Variants in NELL2 observed in about 807,000 individuals in gnomAD.
NELL2 encodes the protein protein kinase C-binding protein NELL2.
A neutral mutation model predicts 109.6 loss-of-function variants in NELL2; 41 were observed. The observed-to-expected ratio is 0.37, with a 90% CI of 0.29 to 0.49. The LOEUF is 0.49. Ranked by LOEUF, NELL2 falls within the 20% of genes least tolerant of loss-of-function variation. NELL2 has a pLI of 0.98. For missense variants in NELL2, 900 were observed against 1,008.3 expected (o/e 0.89, Z 1.45); for synonymous variants, 355 against 344.7 (o/e 1.03, Z -0.33).
chr12:44,670,481 T>C (rs1446222583), intron 12 of NELL2, among the ~76,000 whole-genome samples: 1 of 151,512 alleles, frequency 6.6e-6, no homozygotes, highest in Non-Finnish European at 1.5e-5. Flanking sequence ...ATAAAAACCT[T>C]GAAAGTAAAT....
At chr12:44,568,094 G>A (rs986142721) in intron 15 of NELL2, among the ~76,000 whole-genome samples, 1 of 151,966 alleles carries the variant, frequency 6.6e-6, no homozygotes, top group South Asian at 2.1e-4. Flanking sequence ...TGATTAGCAA[G>A]CCTAAAATCA....
In NELL2 at chr12:44,807,334, C is replaced by T. The variant is rs894141394; in HGVS notation, c.335+8652G>A. 4.5e-4 allele frequency among the ~76,000 whole-genome samples: 61 copies of T among 134,670 alleles called. No individual in the cohort carries two copies. The East Asian group carries it at 0.01, about 22-fold the overall frequency. 88.3% of individuals were successfully genotyped at this position (134,670 alleles called of 152,430 possible). A position where few individuals can be genotyped will look rare whatever the true frequency, so the allele number is the denominator to read the frequency against. The stretch of plus-strand genomic sequence containing the variant: ...CATTTGATGGATTTTGCTCTTTACA[C>T]ACACACACACACACACACACACGCA... On this transcript the variant is annotated intron_variant, in intron 3 of 19. Coordinates refer to ENST00000429094, the MANE Select transcript of NELL2 (RefSeq NM_001145108.2).
At chr12:44,784,372 G>T (rs1481444133) in intron 3 of NELL2, among the ~76,000 whole-genome samples, 6 of 151,984 alleles carry the variant, frequency 3.9e-5, no homozygotes, top group African/African-American at 1.4e-4. Context: ...AAAAGAAAAA[G>T]AATACAGAAT....
chr12:44,819,498 G>A (rs1011781358), intron 2 of NELL2, among the ~76,000 whole-genome samples: 4 of 152,240 alleles, frequency 2.6e-5, no homozygotes, highest in African/African-American at 9.6e-5. Context: ...CAGGCATGTT[G>A]ATGAGGGAAG....
At chr12:44,681,398 A>AT (rs1289875714) in intron 12 of NELL2, among the ~76,000 whole-genome samples, 6 of 148,108 alleles carry the variant, frequency 4.1e-5, no homozygotes, top group Non-Finnish European at 6.0e-5. Context: ...ATTTATTTTT[A>AT]TTTATTTTAT....
intron 1 of NELL2, among the ~76,000 whole-genome samples, chr12:44,911,155 A>G (rs1328488316): frequency 3.3e-5 from 5 of 152,026 alleles, no homozygotes. Flanking sequence ...AACTGAAATT[A>G]TTAAATAAAT....
At chr12:44,560,409 A>T (rs1943424767) in intron 15 of NELL2, among the ~76,000 whole-genome samples, 1 of 152,176 alleles carries the variant, frequency 6.6e-6, no homozygotes, top group African/African-American at 2.4e-5. Flanking sequence ...TGAAAAGATA[A>T]ACAAAATAGA....
rs1475054858 is a variant in NELL2 at position 44,508,818 on chromosome 12, A to G, written c.*116T>C. 3 of 819,820 alleles carry G rather than the reference A, an allele frequency of 3.7e-6. No individual in the cohort carries two copies. The highest frequency in any genetic ancestry group is 1.7e-5 in the African/African-American group (1 of 57,964). 50.8% of individuals were successfully genotyped at this position (819,820 alleles called of 1,614,324 possible). On this transcript the variant is annotated 3_prime_UTR_variant, in exon 20 of 20. Coordinates refer to ENST00000429094, the MANE Select transcript of NELL2 (RefSeq NM_001145108.2). ...TTCATAATTGAAAGTTCACTCAGCT[A>G]TTAACAAAGCTGCATTTAGCTGCCC...
At chr12:44,574,741 A>C (rs185719403) in intron 15 of NELL2, among the ~76,000 whole-genome samples, 43 of 152,304 alleles carry the variant, frequency 2.8e-4, no homozygotes, top group Non-Finnish European at 4.7e-4. Context: ...GAGATTTGGC[A>C]CATATGTTAT....
chr12:44,532,683 T>C lies in NELL2; in HGVS notation c.1702A>G (p.Ser568Gly). 6.2e-7 allele frequency: 1 copy of C among 1,613,572 alleles called. No homozygotes were observed. The highest frequency in any genetic ancestry group is 8.5e-7 in the Non-Finnish European group (1 of 1,179,630). ...ECSDGFVQCD[S>G]RANCINLPGW... The stretch of plus-strand genomic sequence containing the variant: ...GGCAGGTTAATGCAATTAGCACGAC[T>C]GTCACATTGAACAAAACCATCAGAG... The change falls in exon 16 of 20, where the codon AGT (serine) becomes GGT (glycine). Residue 568 changes from serine to glycine, a missense_variant. By Grantham distance (56) the Ser-to-Gly change is moderately conservative (BLOSUM62 0). This residue lies in a region of NELL2 where 333 missense variants were observed against 432.3 expected (regional missense o/e 0.77). Coordinates refer to ENST00000429094, the MANE Select transcript of NELL2 (RefSeq NM_001145108.2).
At chr12:44,801,490 T>C (rs1222449768) in intron 3 of NELL2, among the ~76,000 whole-genome samples, 1 of 152,050 alleles carries the variant, frequency 6.6e-6, no homozygotes, top group African/African-American at 2.4e-5. Context: ...AAACAAGCAG[T>C]TGAGAATTTG....
chr12:44,769,958 A>G (rs554585727), intron 9 of NELL2, among the ~76,000 whole-genome samples: 2 of 152,298 alleles, frequency 1.3e-5, no homozygotes, highest in East Asian at 1.9e-4. Context: ...AACCTTGATT[A>G]AGATACGCCC....
chr12:44,710,513 G>A (rs949794174), intron 11 of NELL2, among the ~76,000 whole-genome samples: 4 of 152,184 alleles, frequency 2.6e-5, no homozygotes, highest in Admixed American at 2.6e-4. Flanking sequence ...TATAATACAG[G>A]AAGGCACATA....
At position 44,697,434 on chromosome 12, in the gene NELL2, G is replaced by GAGT. The variant is rs550127577; in HGVS notation, c.1318+6289_1318+6291dup. On this transcript the variant is annotated intron_variant, in intron 12 of 19. Transcript: ENST00000429094. ...CAGCTTTGGGGTATGGAGGAAACTGGAGTATCCAGGGAAAATCCACACAGA... is the reference window on the plus strand; with the variant it reads ...CAGCTTTGGGGTATGGAGGAAACTGGAGTAGTATCCAGGGAAAATCCACACAGA... Among the ~76,000 whole-genome samples, 25 of 152,232 alleles carry GAGT rather than the reference G, an allele frequency of 1.6e-4. No individual in the cohort carries two copies. In the East Asian group the frequency reaches 4.6e-3, roughly 28 times the overall value.
At chr12:44,804,805 A>G (rs763005833) in intron 3 of NELL2, among the ~76,000 whole-genome samples, 26 of 151,912 alleles carry the variant, frequency 1.7e-4, no homozygotes, top group Admixed American at 3.9e-4. Context: ...TTAAAAAAAG[A>G]GAATTAAATG....
chr12:44,806,612 A>G (rs1171758696), intron 3 of NELL2, among the ~76,000 whole-genome samples: 5 of 151,862 alleles, frequency 3.3e-5, no homozygotes, highest in Non-Finnish European at 7.4e-5. Context: ...GGTTGATTAT[A>G]GTCAAGGTCC....
intron 12 of NELL2, among the ~76,000 whole-genome samples, chr12:44,685,271 A>T (rs1031823149): frequency 6.6e-6 from 1 of 151,754 alleles, no homozygotes; most frequent in African/African-American, 2.4e-5. Context: ...TGCTTGGTAG[A>T]TCTTCCTCCA....
At chr12:44,734,585 A>G (rs903019150) in intron 9 of NELL2, among the ~76,000 whole-genome samples, 1 of 151,642 alleles carries the variant, frequency 6.6e-6, no homozygotes, top group Admixed American at 6.6e-5. Context: ...TTTTTTGCTC[A>G]TTCAATTTTC....
intron 17 of NELL2, 111 bp downstream of exon 17, chr12:44,523,180 G>T: frequency 1.0e-6 from 1 of 996,110 alleles, no homozygotes. Flanking sequence ...AATTGTGATG[G>T]TAGGTAAGTG....
Sources: gnomAD v4.1 joint callset for allele counts (sites outside exome capture counted in the v4.1 genomes callset) on GRCh38, gnomAD v4.1.1 for gene constraint, gnomAD v4.1.1 regional missense constraint, MANE v1.5 for transcripts, NCBI Gene and HGNC (gene_info 2026-07-23, HGNC 2026-07-21) for gene names.